PPP4R4: variants seen among roughly 807,000 people sequenced by gnomAD.
PPP4R4 encodes the protein serine/threonine-protein phosphatase 4 regulatory subunit 4.
In PPP4R4, 70 loss-of-function variants were observed where a neutral mutation model predicts 121.8. The ratio of observed to expected loss-of-function variants is 0.57; its 90% CI spans 0.47 to 0.70. The LOEUF (loss-of-function observed/expected upper bound fraction) is 0.70, where lower values mean the gene tolerates loss of function less well. PPP4R4 is among the 30% of genes least tolerant of loss of function. The pLI, the probability that PPP4R4 is intolerant of heterozygous loss-of-function variation, is 0.00. For missense variants in PPP4R4, 875 were observed against 1,033.6 expected (o/e 0.85, Z 2.10); for synonymous variants, 348 against 355.7 (o/e 0.98, Z 0.24).
Position 94,176,092 on chromosome 14 carries a change from C to T in PPP4R4, c.156C>T (p.Asp52=). Residue 52 remains aspartate (D), a synonymous_variant, in exon 2 of 25, where the codon GAC becomes GAT. Coordinates refer to ENST00000304338, the MANE Select transcript of PPP4R4 (RefSeq NM_058237.2). ...TAGAAAGATTGACAGTCGATGAAGACCTCAGTGATATTGAAAGGGCTGTTT... is the reference window on the plus strand; with the variant it reads ...TAGAAAGATTGACAGTCGATGAAGATCTCAGTGATATTGAAAGGGCTGTTT... ...EEIERLTVDE[D]LSDIERAVYL... 9 of 1,612,858 alleles carry T rather than the reference C, an allele frequency of 5.6e-6. No individual in the cohort carries two copies. The highest frequency in any genetic ancestry group is 7.6e-6 in the Non-Finnish European group (9 of 1,178,816).
At position 94,242,306 on chromosome 14, in the gene PPP4R4, T is replaced by C. The variant is rs1892675906; in HGVS notation, c.1164T>C (p.Val388=). The part of the protein sequence containing the change: ...AYNFPAMIVF[V]DPKNFHMELY... The stretch of plus-strand genomic sequence containing the variant: ...TCCACCAGGCCATGATTGTTTTTGT[T>C]GATCCTAAAAACTTCCACATGGAAC... Residue 388 remains valine, a synonymous_variant, in exon 11 of 25, where the codon GTT becomes GTC. Coordinates refer to ENST00000304338, the MANE Select transcript of PPP4R4 (RefSeq NM_058237.2). 5 of 1,612,028 alleles carry C rather than the reference T, an allele frequency of 3.1e-6. No homozygotes were observed. The highest frequency in any genetic ancestry group is 1.3e-5 in the African/African-American group (1 of 74,874).
rs1894082688 is a variant in PPP4R4 at position 94,266,947 on chromosome 14, G to A, written c.2379-12G>A. On this transcript the variant is annotated splice_polypyrimidine_tract_variant and intron_variant, in intron 22 of 24. Transcript: ENST00000304338. The stretch of plus-strand genomic sequence containing the variant: ...GTTTTTGTATTTTAAACTAAATCAT[G>A]TTGTTTTCTAGTAAAAGTTCTACAA... The A allele has an allele frequency of 4.6e-6, 7 of 1,530,296 alleles. No individual in the cohort carries two copies. The East Asian group carries it at 1.6e-4, about 35-fold the overall frequency. The allele number at this position is 1,530,296 out of a possible 1,614,324, so 94.8% of individuals were successfully genotyped here. A position where few individuals can be genotyped will look rare whatever the true frequency, so the allele number is the denominator to read the frequency against.
intron 2 of PPP4R4, among the ~76,000 whole-genome samples, chr14:94,185,193 A>G (rs940989004): frequency 3.3e-5 from 5 of 152,136 alleles, no homozygotes; most frequent in Admixed American, 6.5e-5. Context: ...TGTGAGCCCA[A>G]GTTCCCTAAT....
chr14:94,256,745 T>A, intron 17 of PPP4R4, 141 bp downstream of exon 17: 1 of 975,894 alleles, frequency 1.0e-6, no homozygotes, highest in Non-Finnish European at 1.4e-6. Context: ...AGTAAATGAT[T>A]TGGTTGATAT....
intron 24 of PPP4R4, among the ~76,000 whole-genome samples, chr14:94,277,536 A>G (rs968994591): frequency 1.3e-5 from 2 of 152,194 alleles, no homozygotes; most frequent in African/African-American, 4.8e-5. Context: ...CTTCCTCTGA[A>G]AAGATTGCCC....
chr14:94,254,357 T>G (rs1893352620), intron 16 of PPP4R4, among the ~76,000 whole-genome samples: 1 of 152,228 alleles, frequency 6.6e-6, no homozygotes, highest in East Asian at 1.9e-4. Flanking sequence ...AGACTCTTGG[T>G]ATTCAGAGAA....
chr14:94,232,019 C>T (rs1892065805), intron 5 of PPP4R4, among the ~76,000 whole-genome samples: 1 of 151,934 alleles, frequency 6.6e-6, no homozygotes, highest in Admixed American at 6.5e-5. Flanking sequence ...TGATCCTATC[C>T]TTTAATCACT....
chr14:94,252,376 T>C (rs891701974), intron 16 of PPP4R4, among the ~76,000 whole-genome samples: 4 of 152,174 alleles, frequency 2.6e-5, no homozygotes, highest in African/African-American at 9.7e-5. Flanking sequence ...CAGTAAAATG[T>C]TAATTGCATT....
At chr14:94,181,230 G>T (rs1328650444) in intron 2 of PPP4R4, among the ~76,000 whole-genome samples, 1 of 152,090 alleles carries the variant, frequency 6.6e-6, no homozygotes, top group East Asian at 1.9e-4. Context: ...GTGTGTGTGT[G>T]TATGTGTGTG....
At chr14:94,222,113 A>G (rs1891434048) in intron 3 of PPP4R4, among the ~76,000 whole-genome samples, 1 of 151,918 alleles carries the variant, frequency 6.6e-6, no homozygotes, top group African/African-American at 2.4e-5. Flanking sequence ...TTATTTTTTA[A>G]TCCAATCTCA....
chr14:94,210,239 A>G (rs752121738), intron 3 of PPP4R4, among the ~76,000 whole-genome samples: 5 of 151,768 alleles, frequency 3.3e-5, no homozygotes, highest in African/African-American at 7.2e-5. Flanking sequence ...AATCAAATGT[A>G]TCATATTTAT....
At chr14:94,273,523 C>T (rs1441647493) in intron 23 of PPP4R4, among the ~76,000 whole-genome samples, 1 of 152,042 alleles carries the variant, frequency 6.6e-6, no homozygotes, top group Non-Finnish European at 1.5e-5. Context: ...CTGTATGATA[C>T]CAAAACGATG....
Position 94,234,641 on chromosome 14 carries a change from C to A in PPP4R4, c.703C>A (p.Gln235Lys). 6.2e-7 allele frequency: 1 copy of A among 1,601,926 alleles called. No homozygotes were observed. The highest frequency in any genetic ancestry group is 8.6e-7 in the Non-Finnish European group (1 of 1,169,478). Reference sequence around the variant, plus strand: ...TGAAGTTCGATCTTGTATGTGTCGGCAATTAGAAAATATAGCCCAGGGCAT... The same window carrying A: ...TGAAGTTCGATCTTGTATGTGTCGGAAATTAGAAAATATAGCCCAGGGCAT... ...EYEVRSCMCR[Q>K]LENIAQGIGT... is the part of the protein sequence containing the mutation. Residue 235 changes from glutamine to lysine, a missense_variant, in exon 7 of 25, where the codon CAA becomes AAA. Physicochemically the swap from Gln to Lys is moderately conservative, Grantham distance 53. Coordinates refer to ENST00000304338, the MANE Select transcript of PPP4R4 (RefSeq NM_058237.2).
intron 2 of PPP4R4, among the ~76,000 whole-genome samples, chr14:94,182,787 T>C (rs1889059442): frequency 1.3e-5 from 2 of 152,218 alleles, no homozygotes; most frequent in Admixed American, 6.5e-5. Flanking sequence ...GGTATCATTA[T>C]AGAAGCCGAA....
intron 19 of PPP4R4, among the ~76,000 whole-genome samples, chr14:94,259,967 A>G (rs1016355235): frequency 6.6e-6 from 1 of 152,070 alleles, no homozygotes; most frequent in Admixed American, 6.6e-5. Context: ...CTCTTTATGG[A>G]CATTTGGCTT....
chr14:94,250,011 C>T (rs1350239935), intron 14 of PPP4R4, among the ~76,000 whole-genome samples, 161 bp from the exon 15 acceptor site: 1 of 151,962 alleles, frequency 6.6e-6, no homozygotes, highest in African/African-American at 2.4e-5. Flanking sequence ...GAGTGATTAA[C>T]ATTAAATTAT....
rs757058388 is a variant in PPP4R4 at position 94,265,467 on chromosome 14, T to C, written c.2278T>C (p.Ser760Pro). The C allele has an allele frequency of 3.2e-5, 52 of 1,605,980 alleles. No individual in the cohort carries two copies. Among genetic ancestry groups the C allele is most frequent in the Non-Finnish European group, 4.4e-5 (52 of 1,172,874 alleles). ...TCCTGGACCCTCTTCTGTCACCCCATCGACAAGTAAGAAATAACTTCTTTT... is the reference window on the plus strand; with the variant it reads ...TCCTGGACCCTCTTCTGTCACCCCACCGACAAGTAAGAAATAACTTCTTTT... ...SVPGPSSVTPSTSKEIKKSKL... is the reference protein window; with the variant it reads ...SVPGPSSVTPPTSKEIKKSKL... The change falls in exon 21 of 25, where the codon TCG becomes CCG. Residue 760 changes from serine to proline, a missense_variant. By Grantham distance (74) the Ser-to-Pro change is moderately conservative. Coordinates refer to ENST00000304338, the MANE Select transcript of PPP4R4 (RefSeq NM_058237.2).
intron 23 of PPP4R4, among the ~76,000 whole-genome samples, chr14:94,274,636 T>C (rs1894535539): frequency 6.6e-6 from 1 of 152,150 alleles, no homozygotes. Flanking sequence ...CAATATCAAG[T>C]GTGTGTGAGG....
chr14:94,263,417 T>C (rs553640694), intron 19 of PPP4R4, among the ~76,000 whole-genome samples: 5 of 152,322 alleles, frequency 3.3e-5, no homozygotes, highest in African/African-American at 1.2e-4. Context: ...ATCCAATTAA[T>C]TTTTTTATTT....
Sources: gnomAD v4.1 joint callset for allele counts (sites outside exome capture counted in the v4.1 genomes callset) on GRCh38, gnomAD v4.1.1 for gene constraint, MANE v1.5 for transcripts, NCBI Gene and HGNC (gene_info 2026-07-23, HGNC 2026-07-21) for gene names.